Variants in CD6 observed in about 807,000 individuals in gnomAD.
CD6 encodes the protein CD6 molecule.
In CD6, 53 loss-of-function variants were observed where a neutral mutation model predicts 75.3. That is an observed-to-expected ratio of 0.70 (90% CI 0.56 to 0.88). The LOEUF (loss-of-function observed/expected upper bound fraction) is 0.88. Among genes scored for constraint, CD6 ranks in the 40% least tolerant of loss-of-function variants. The pLI is 0.00. For synonymous variants in CD6, 359 were observed against 381.5 expected (o/e 0.94, Z 0.69); for missense variants, 770 against 897.1 (o/e 0.86, Z 1.81).
At chr11:61,005,846 G>A (rs917746647) in intron 1 of CD6, among the ~76,000 whole-genome samples, 7 of 151,792 alleles carry the variant, frequency 4.6e-5, no homozygotes, top group African/African-American at 1.2e-4. Context: ...CAGGAGAATC[G>A]CTTGAATCTG....
intron 1 of CD6, among the ~76,000 whole-genome samples, chr11:60,994,096 A>G (rs2905512): frequency 0.99 from 151,388 of 152,302 alleles, 75,247 homozygotes; most frequent in Middle Eastern, 1. Flanking sequence ...AAGGTATCAC[A>G]CAGGTGAACA....
rs937659017 is a variant in CD6 at position 60,971,773 on chromosome 11, G to T, written c.-93G>T. 7.7e-7 allele frequency: 1 copy of T among 1,293,334 alleles called. No homozygotes were observed. 80.1% of individuals were successfully genotyped at this position (1,293,334 alleles called of 1,614,324 possible). ...ACAGCAAAGGGTAGAGCAGACCTGC[G>T]CCAGGGGCGCACAACGGCCGTGTCC... On this transcript the variant is annotated 5_prime_UTR_variant, in exon 1 of 13. Coordinates refer to ENST00000313421, the MANE Select transcript of CD6 (RefSeq NM_006725.5).
intron 1 of CD6, among the ~76,000 whole-genome samples, chr11:60,991,544 T>C (rs762902601): frequency 6.6e-6 from 1 of 152,176 alleles, no homozygotes; most frequent in African/African-American, 2.4e-5. Context: ...ACGATACATA[T>C]ATGCACACAT....
Position 61,019,431 on chromosome 11 carries a change from C to A in CD6, c.*113C>A. 3 of 795,316 alleles carry A rather than the reference C, an allele frequency of 3.8e-6. No individual in the cohort carries two copies. The highest frequency in any genetic ancestry group is 2.0e-6 in the Non-Finnish European group (1 of 503,144). 49.3% of individuals were successfully genotyped at this position (795,316 alleles called of 1,614,324 possible). A position where few individuals can be genotyped will look rare whatever the true frequency, so the allele number is the denominator to read the frequency against. ...CTCACCTCCCCATGGAGCTGAGAGGCCTCCCTTGGAGAGATGGAAGGAAAC... is the reference window on the plus strand; with the variant it reads ...CTCACCTCCCCATGGAGCTGAGAGGACTCCCTTGGAGAGATGGAAGGAAAC... On this transcript the variant is annotated 3_prime_UTR_variant, in exon 13 of 13. Coordinates refer to ENST00000313421, the MANE Select transcript of CD6 (RefSeq NM_006725.5).
At chr11:60,981,956 G>C (rs889967573) in intron 1 of CD6, among the ~76,000 whole-genome samples, 2 of 151,880 alleles carry the variant, frequency 1.3e-5, no homozygotes, top group Admixed American at 6.6e-5. Context: ...GTGCTAGGGG[G>C]TGGGGGCACA....
At chr11:60,974,017 C>CA (rs145847326) in intron 1 of CD6, among the ~76,000 whole-genome samples, 6 of 152,150 alleles carry the variant, frequency 3.9e-5, no homozygotes, top group Non-Finnish European at 8.8e-5. Flanking sequence ...AACCTGACCT[C>CA]AGAGGGCAAG....
intron 1 of CD6, among the ~76,000 whole-genome samples, chr11:60,979,504 T>C (rs934521756): frequency 2.6e-4 from 39 of 151,962 alleles, no homozygotes; most frequent in African/African-American, 9.4e-4. Flanking sequence ...TCTCAGTCTG[T>C]TACCCAAGCT....
chr11:61,001,724 C>G (rs993996400), intron 1 of CD6, among the ~76,000 whole-genome samples: 1 of 152,136 alleles, frequency 6.6e-6, no homozygotes, highest in Non-Finnish European at 1.5e-5. Context: ...TTTTCCTCCC[C>G]CTATCTTCCA....
At chr11:60,987,161 G>A (rs1857854676) in intron 1 of CD6, among the ~76,000 whole-genome samples, 1 of 152,188 alleles carries the variant, frequency 6.6e-6, no homozygotes, top group Admixed American at 6.5e-5. Context: ...TCACAGTTCT[G>A]GAGGCTCAAA....
chr11:60,986,853 C>T (rs1428065913), intron 1 of CD6, among the ~76,000 whole-genome samples: 1 of 152,112 alleles, frequency 6.6e-6, no homozygotes, highest in Non-Finnish European at 1.5e-5. Context: ...CTCTCCCTGG[C>T]GCCGTGGCGC....
Position 60,971,923 on chromosome 11 carries a change from C to T in CD6, c.49+9C>T. 2 of 1,613,648 alleles carry T rather than the reference C, an allele frequency of 1.2e-6. No individual in the cohort carries two copies. Among genetic ancestry groups the T allele is most frequent in the Non-Finnish European group, 1.7e-6 (2 of 1,179,814 alleles). ...GACGGCAGCCCTCTCAGGTAGGCCC[C>T]CTTCCCTCATCTCCTGCCACTGGTG... On this transcript the variant is annotated intron_variant, in intron 1 of 12. Transcript: ENST00000313421.
At chr11:60,986,835 T>C (rs1236121554) in intron 1 of CD6, among the ~76,000 whole-genome samples, 1 of 152,092 alleles carries the variant, frequency 6.6e-6, no homozygotes. Flanking sequence ...GCAACAGAAA[T>C]GTATTGTCTC....
intron 9 of CD6, among the ~76,000 whole-genome samples, chr11:61,016,551 C>T (rs1859414035): frequency 6.6e-6 from 1 of 152,250 alleles, no homozygotes; most frequent in Non-Finnish European, 1.5e-5. Context: ...TTTCTTGCTG[C>T]TGTGCAGTCC....
Position 61,008,550 on chromosome 11 carries a change from C to T in CD6, c.486C>T (p.Arg162=). 6.2e-7 allele frequency: 1 copy of T among 1,603,546 alleles called. No individual in the cohort carries two copies. Among genetic ancestry groups the T allele is most frequent in the Non-Finnish European group, 8.5e-7 (1 of 1,175,294 alleles). ...CACCCCTAGAGAACCGCGCGCTGCG[C>T]CTGGTGGACGGTGGCGGCGCCTGCG... The part of the protein sequence containing the change: ...RVTCAENRAL[R]LVDGGGACAG... Residue 162 remains arginine, a synonymous_variant, in exon 4 of 13, where the codon CGC becomes CGT. Transcript: ENST00000313421.
At chr11:61,010,934 A>C (rs533557350) in intron 5 of CD6, 136 bp from the exon 6 acceptor site, 1 of 715,958 alleles carries the variant, frequency 1.4e-6, no homozygotes, top group African/African-American at 1.7e-5. Context: ...AAGTTTCCTT[A>C]GCCACGTGTC....
intron 8 of CD6, 184 bp from the exon 9 acceptor site, chr11:61,015,529 C>T (rs1257712844): frequency 2.0e-5 from 13 of 664,116 alleles, no homozygotes; most frequent in Admixed American, 5.6e-5. Context: ...TGTGATGGCA[C>T]CACTGTACTC....
In CD6 at chr11:61,007,937, C is replaced by A; in HGVS notation, c.469+27C>A. 1 of 1,259,116 alleles carries A rather than the reference C, an allele frequency of 7.9e-7. No individual in the cohort carries two copies. Among genetic ancestry groups the A allele is most frequent in the South Asian group, 2.4e-5 (1 of 42,402 alleles). The allele number at this position is 1,259,116 out of a possible 1,614,324, so 78.0% of individuals were successfully genotyped here. ...TACGAGCGCACCCCCTACACGGGCC[C>A]CCACCTGCCCCACTCCCCAGGCCTT... On this transcript the variant is annotated intron_variant, in intron 3 of 12. Coordinates refer to ENST00000313421, the MANE Select transcript of CD6 (RefSeq NM_006725.5). The surrounding 1 kb of genome is among the most constrained non-coding windows in gnomAD (Gnocchi z 4.2).
At chr11:60,980,324 G>A (rs1857513748) in intron 1 of CD6, among the ~76,000 whole-genome samples, 1 of 104,820 alleles carries the variant, frequency 9.5e-6, no homozygotes, top group South Asian at 5.4e-4. Context: ...GCAACATAGT[G>A]TGACCCCCAC....
Position 61,007,640 on chromosome 11 carries a change from G to A in CD6, c.199G>A (p.Glu67Lys), listed in dbSNP as rs956944329. The change falls in exon 3 of 13, where the codon GAG becomes AAG. Residue 67 changes from glutamate (E) to lysine (K), a missense_variant. Coordinates refer to ENST00000313421, the MANE Select transcript of CD6 (RefSeq NM_006725.5). This position sits in a 1 kb window ranked among gnomAD's most constrained non-coding sequence, Gnocchi z 4.2. Reference protein sequence around the residue: ...TVEVRLEASWEPACGALWDSR... With the variant: ...TVEVRLEASWKPACGALWDSR... ...GGAGGTGCGGCTCGAGGCGTCCTGGGAGCCCGCGTGCGGGGCGCTCTGGGA... is the reference window on the plus strand; with the variant it reads ...GGAGGTGCGGCTCGAGGCGTCCTGGAAGCCCGCGTGCGGGGCGCTCTGGGA... 3 of 1,472,052 alleles carry A rather than the reference G, an allele frequency of 2.0e-6. No individual in the cohort carries two copies. Among genetic ancestry groups the A allele is most frequent in the Non-Finnish European group, 1.8e-6 (2 of 1,111,262 alleles). The allele number at this position is 1,472,052 out of a possible 1,614,324, so 91.2% of individuals were successfully genotyped here.
Sources: allele counts gnomAD v4.1 joint callset (sites outside exome capture counted in the v4.1 genomes callset), GRCh38; gene constraint gnomAD v4.1.1; non-coding constraint Gnocchi (gnomAD v3.1); transcripts MANE v1.5; gene names NCBI Gene and HGNC (gene_info 2026-07-23, HGNC 2026-07-21).